CSMD1: variants seen among roughly 807,000 people sequenced by gnomAD.
CSMD1 encodes CUB and sushi domain-containing protein 1.
CSMD1 carries 213 observed loss-of-function variants against 417.5 expected under a neutral mutation model. The observed-to-expected ratio is 0.51, with a 90% CI of 0.46 to 0.57. The LOEUF is 0.57. Among genes scored for constraint, CSMD1 ranks in the 20% least tolerant of loss-of-function variants. The probability of loss-of-function intolerance (pLI) is 0.00; values close to 1 mark genes in which losing one functional copy is unlikely to be tolerated. For missense variants in CSMD1, 6,923 were observed against 4,529.7 expected, an observed-to-expected ratio of 1.53 and a Z score of -15.17; for synonymous variants, 2,862 against 1,736.8, an observed-to-expected ratio of 1.65 and a Z score of -16.11.
At chr8:3,505,689 C>G (rs1357240600) in intron 10 of CSMD1, among the ~76,000 whole-genome samples, 5 of 152,124 alleles carry the variant, frequency 3.3e-5, no homozygotes, top group South Asian at 4.1e-4. Context: ...CGTAGAGGTA[C>G]TGGACCAACA....
At position 3,829,186 on chromosome 8, in the gene CSMD1, C is replaced by G. The variant is rs528212783; in HGVS notation, c.819-75144G>C. On this transcript the variant is annotated intron_variant, in intron 5 of 69. Coordinates refer to ENST00000635120, the MANE Select transcript of CSMD1 (RefSeq NM_033225.6). The stretch of plus-strand genomic sequence containing the variant: ...TCTTTTATCCCTCGCCCTCCTTTCA[C>G]TTTTCCCCCAAGTCCTCAAAGTCCA... Among the ~76,000 whole-genome samples the G allele has an allele frequency of 1.3e-4, 20 of 152,268 alleles. No individual in the cohort carries two copies. In the East Asian group the frequency reaches 3.9e-3, roughly 29 times the overall value.
chr8:3,016,859 C>T (rs1808877943), intron 52 of CSMD1, among the ~76,000 whole-genome samples: 2 of 152,138 alleles, frequency 1.3e-5, no homozygotes, highest in Non-Finnish European at 2.9e-5. Flanking sequence ...GGGGGCATCT[C>T]CAGGCAGCCA....
intron 5 of CSMD1, among the ~76,000 whole-genome samples, chr8:3,956,517 T>C (rs752618241): frequency 6.6e-6 from 1 of 152,178 alleles, no homozygotes; most frequent in African/African-American, 2.4e-5. Context: ...AGAGGACAGG[T>C]GGAAACTCAG....
chr8:3,916,308 T>C (rs139239047), intron 5 of CSMD1, among the ~76,000 whole-genome samples: 2 of 152,106 alleles, frequency 1.3e-5, no homozygotes, highest in South Asian at 4.2e-4. Context: ...CACCTGGTTC[T>C]CAGCACTACG....
At chr8:3,926,019 AC>A (rs1809641815) in intron 5 of CSMD1, among the ~76,000 whole-genome samples, 1 of 103,488 alleles carries the variant, frequency 9.7e-6, no homozygotes, top group African/African-American at 4.6e-5. Context: ...GTCTATACAC[AC>A]ACACACACAC....
At chr8:4,001,266 C>G (rs1285770903) in intron 4 of CSMD1, among the ~76,000 whole-genome samples, 1 of 152,128 alleles carries the variant, frequency 6.6e-6, no homozygotes. Context: ...GAATTTAAAC[C>G]TATCTGACAG....
intron 5 of CSMD1, among the ~76,000 whole-genome samples, chr8:3,822,924 G>T (rs917570198): frequency 1.3e-5 from 2 of 152,126 alleles, no homozygotes; most frequent in African/African-American, 2.4e-5. Context: ...AGTAAAGACT[G>T]TTTGGTATTC....
intron 27 of CSMD1, among the ~76,000 whole-genome samples, chr8:3,226,582 A>T (rs1047283196): frequency 1.9e-5 from 2 of 103,570 alleles, no homozygotes; most frequent in African/African-American, 9.9e-5. Flanking sequence ...ACTCTGTCTC[A>T]AAAAAAAAAA....
At chr8:3,669,463 T>C (rs1038910877) in intron 7 of CSMD1, among the ~76,000 whole-genome samples, 2 of 152,200 alleles carry the variant, frequency 1.3e-5, no homozygotes, top group Admixed American at 6.5e-5. Flanking sequence ...CATTCATTCA[T>C]TCAACATCAG....
intron 5 of CSMD1, among the ~76,000 whole-genome samples, chr8:3,989,404 T>C (rs940597695): frequency 3.3e-5 from 5 of 152,294 alleles, no homozygotes; most frequent in Admixed American, 2.0e-4. Context: ...CAGAGGACAT[T>C]GCCCAACACT....
chr8:3,969,357 C>A (rs1006714033), intron 5 of CSMD1, among the ~76,000 whole-genome samples: 1 of 152,198 alleles, frequency 6.6e-6, no homozygotes, highest in Non-Finnish European at 1.5e-5. Flanking sequence ...TGGAACATCA[C>A]AGAATGCTCA....
intron 3 of CSMD1, among the ~76,000 whole-genome samples, chr8:4,281,142 C>CG (rs1796759570): frequency 1.3e-5 from 2 of 152,224 alleles, no homozygotes; most frequent in East Asian, 3.9e-4. Flanking sequence ...ACTCAGCCCT[C>CG]GGGAGCACCT....
chr8:4,395,484 T>C (rs974457178), intron 3 of CSMD1, among the ~76,000 whole-genome samples: 2 of 150,080 alleles, frequency 1.3e-5, no homozygotes, highest in East Asian at 1.9e-4. Flanking sequence ...CGATGAAGAA[T>C]ACAAATCTCC....
intron 1 of CSMD1, among the ~76,000 whole-genome samples, chr8:4,992,863 T>G (rs1811548032): frequency 6.6e-6 from 1 of 152,098 alleles, no homozygotes; most frequent in Non-Finnish European, 1.5e-5. Flanking sequence ...TAAGACCCAC[T>G]GTTTGCGATC....
intron 1 of CSMD1, among the ~76,000 whole-genome samples, chr8:4,711,871 G>T (rs1808322753): frequency 6.6e-6 from 1 of 152,180 alleles, no homozygotes; most frequent in African/African-American, 2.4e-5. Context: ...ATAAGATGGT[G>T]ATGATGGCAC....
At chr8:3,248,687 G>C (rs1800058446) in intron 26 of CSMD1, among the ~76,000 whole-genome samples, 1 of 151,950 alleles carries the variant, frequency 6.6e-6, no homozygotes, top group Non-Finnish European at 1.5e-5. Flanking sequence ...TATTTCTTAA[G>C]ATAATTTTGG....
intron 5 of CSMD1, among the ~76,000 whole-genome samples, chr8:3,925,135 C>T (rs1458404037): frequency 6.6e-6 from 1 of 152,142 alleles, no homozygotes; most frequent in Non-Finnish European, 1.5e-5. Context: ...GGCAGAGCCA[C>T]CCAGCTAATC....
At chr8:3,726,575 G>T (rs1563314952) in intron 6 of CSMD1, among the ~76,000 whole-genome samples, 1 of 152,196 alleles carries the variant, frequency 6.6e-6, no homozygotes. Flanking sequence ...TTCAGGAGAA[G>T]CAGGAAATCT....
intron 1 of CSMD1, among the ~76,000 whole-genome samples, chr8:4,982,706 T>A (rs1162984467): frequency 1.3e-5 from 2 of 152,200 alleles, no homozygotes; most frequent in Non-Finnish European, 2.9e-5. Context: ...TGTCCATCCA[T>A]CATAAAAACT....
Sources: allele counts gnomAD v4.1 joint callset (sites outside exome capture counted in the v4.1 genomes callset), GRCh38; gene constraint gnomAD v4.1.1; transcripts MANE v1.5; gene names NCBI Gene and HGNC (gene_info 2026-07-23, HGNC 2026-07-21).